OAT: variants seen among roughly 807,000 people sequenced by gnomAD.
OAT encodes ornithine aminotransferase, also known as ornithine aminotransferase, mitochondrial.
Under a neutral mutation model 48.4 loss-of-function variants are expected in OAT, and 35 were observed. The observed-to-expected ratio is 0.72, with a 90% CI of 0.55 to 0.96. The LOEUF is 0.96. Ranked by LOEUF, OAT falls within the 40% of genes least tolerant of loss-of-function variation. The pLI is 0.00. For synonymous variants in OAT, 182 were observed against 198.4 expected (o/e 0.92, Z 0.70); for missense variants, 438 against 537.9 (o/e 0.81, Z 1.84).
At position 124,398,054 on chromosome 10, in the gene OAT, A is replaced by G. The variant is rs141737170; in HGVS notation, c.1208T>C (p.Leu403Pro). 19 of 1,614,062 alleles carry G rather than the reference A, an allele frequency of 1.2e-5. No homozygotes were observed. The highest frequency in any genetic ancestry group is 1.6e-5 in the Non-Finnish European group (19 of 1,180,016). ...VCLRLRDNGL[L>P]AKPTHGDIIR... ...AATGTCGCCATGGGTTGGCTTGGCC[A>G]GAAGTCCATTATCTCGAAGTCGTAG... Residue 403 changes from leucine (L) to proline (P), a missense_variant, in exon 10 of 10, where the codon CTG becomes CCG. Transcript: ENST00000368845.
At chr10:124,416,761 T>C (rs1445703977) in intron 1 of OAT, among the ~76,000 whole-genome samples, 1 of 152,164 alleles carries the variant, frequency 6.6e-6, no homozygotes, top group Non-Finnish European at 1.5e-5. Context: ...GGCGTAAAGT[T>C]GTCCAAAAGC....
At chr10:124,412,240 T>C in intron 1 of OAT, 40 bp from the exon 2 acceptor site, 2 of 1,440,632 alleles carry the variant, frequency 1.4e-6, no homozygotes, top group South Asian at 2.3e-5. Flanking sequence ...GTGAGAATCC[T>C]TGGCTTATGC....
At position 124,411,954 on chromosome 10, in the gene OAT, G is replaced by A. The variant is rs10794058; in HGVS notation, c.199+19C>T. 473,815 of 1,605,568 alleles carry A rather than the reference G, an allele frequency of 0.3. 71,414 individuals carry two copies. Among genetic ancestry groups the A allele is most frequent in the Middle Eastern group, 0.32 (1,909 of 6,048 alleles). On this transcript the variant is annotated intron_variant, in intron 2 of 9. Coordinates refer to ENST00000368845, the MANE Select transcript of OAT (RefSeq NM_000274.4). ...AAGGTTTCAAGAAAAGGGAAAAGAC[G>A]GATTAATTTGAAACGTACCTTTTCC...
intron 1 of OAT, among the ~76,000 whole-genome samples, chr10:124,417,702 AT>A (rs1211732118): frequency 3.9e-5 from 6 of 152,222 alleles, no homozygotes; most frequent in Non-Finnish European, 8.8e-5. Context: ...AGAGCGATTG[AT>A]TACAATCTAA....
At chr10:124,408,309 GTGTGTGTGTATATATATATA>G (rs899552178) in intron 4 of OAT, among the ~76,000 whole-genome samples, 5 of 59,294 alleles carry the variant, frequency 8.4e-5, no homozygotes, top group African/African-American at 4.9e-4. Flanking sequence ...GTGTGTGTGT[GTGTGTGTGTATATATATATA>G]TATATATATA....
chr10:124,404,277 T>TG (rs1320540276), intron 5 of OAT, among the ~76,000 whole-genome samples: 2 of 151,536 alleles, frequency 1.3e-5, no homozygotes, highest in Non-Finnish European at 2.9e-5. Flanking sequence ...TTTCATTTTT[T>TG]TTTTTTTGGA....
At position 124,411,149 on chromosome 10, in the gene OAT, AAAAAAAAAAAAAAAAGAAG is replaced by A. The variant is rs1393628139; in HGVS notation, c.199+805_199+823del. Among the ~76,000 whole-genome samples the A allele has an allele frequency of 5.3e-4, 77 of 145,466 alleles. No individual in the cohort carries two copies. In the Admixed American group the frequency reaches 5.3e-3, roughly 10 times the overall value. On this transcript the variant is annotated intron_variant, in intron 2 of 9. Coordinates refer to ENST00000368845, the MANE Select transcript of OAT (RefSeq NM_000274.4). ...AGCGACATTCCGTCTCAAAAAAAAA[AAAAAAAAAAAAAAAAGAAG>A]AAGAGATGTCATGTCTGCAACTTCC...
At chr10:124,401,325 C>G (rs1951401209) in intron 8 of OAT, among the ~76,000 whole-genome samples, 1 of 152,320 alleles carries the variant, frequency 6.6e-6, no homozygotes, top group South Asian at 2.1e-4. Flanking sequence ...GATCTGTCCT[C>G]AGAGATTACA....
Position 124,412,345 on chromosome 10 carries a change from T to C in OAT, c.-29-145A>G, listed in dbSNP as rs1247869199. 15 of 652,176 alleles carry C rather than the reference T, an allele frequency of 2.3e-5. No homozygotes were observed. The East Asian group carries it at 3.3e-4, about 14-fold the overall frequency. 40.4% of individuals were successfully genotyped at this position (652,176 alleles called of 1,614,324 possible). A position where few individuals can be genotyped will look rare whatever the true frequency, so the allele number is the denominator to read the frequency against. On this transcript the variant is annotated intron_variant, in intron 1 of 9. Coordinates refer to ENST00000368845, the MANE Select transcript of OAT (RefSeq NM_000274.4). ...GGGCAACAGAGCAAGACTCCATCACTAAAAAAAATTGAAAAATTAGCTGGG... is the reference window on the plus strand; with the variant it reads ...GGGCAACAGAGCAAGACTCCATCACCAAAAAAAATTGAAAAATTAGCTGGG...
intron 2 of OAT, 77 bp from the exon 3 acceptor site, chr10:124,409,042 AAGCC>A: frequency 9.8e-6 from 10 of 1,020,198 alleles, no homozygotes; most frequent in South Asian, 1.4e-5. Context: ...GAGTGCTAGC[AAGCC>A]CTCTGAATGC....
intron 1 of OAT, among the ~76,000 whole-genome samples, chr10:124,413,419 C>T (rs1205630199): frequency 1.3e-5 from 2 of 152,140 alleles, no homozygotes; most frequent in African/African-American, 4.8e-5. Flanking sequence ...GGTGCGGTGA[C>T]TCATGCCTAT....
Position 124,408,663 on chromosome 10 carries a change from T to C in OAT, c.425-26A>G, listed in dbSNP as rs763415151. ...CTATCAGGAGAGAAAAATGTTCAGA[T>C]TTTTTTAAAATGTTAAACTATCAAA... On this transcript the variant is annotated intron_variant, in intron 3 of 9. Transcript: ENST00000368845. 32 of 1,598,898 alleles carry C rather than the reference T, an allele frequency of 2.0e-5. No individual in the cohort carries two copies. In the East Asian group the frequency reaches 3.3e-4, roughly 17 times the overall value.
At chr10:124,417,484 C>T (rs1951955890) in intron 1 of OAT, among the ~76,000 whole-genome samples, 1 of 152,012 alleles carries the variant, frequency 6.6e-6, no homozygotes, top group Non-Finnish European at 1.5e-5. Flanking sequence ...AGGGTTTCAC[C>T]ATGTTGGCCA....
Position 124,400,839 on chromosome 10 carries a change from C to T in OAT, c.1159+1G>A, listed in dbSNP as rs2134450136. The T allele has an allele frequency of 1.9e-6, 3 of 1,592,626 alleles. No homozygotes were observed. The highest frequency in any genetic ancestry group is 1.7e-6 in the Non-Finnish European group (2 of 1,163,112). ...CTTGAGTAAATGTTTTATCTCCATACCTTTGGTTTCTTTAATGACAATAGC... is the reference window on the plus strand; with the variant it reads ...CTTGAGTAAATGTTTTATCTCCATATCTTTGGTTTCTTTAATGACAATAGC... On this transcript the variant is annotated splice_donor_variant, in intron 9 of 9. Coordinates refer to ENST00000368845, the MANE Select transcript of OAT (RefSeq NM_000274.4). LOFTEE classifies it high-confidence loss of function.
intron 7 of OAT, 72 bp downstream of exon 7, chr10:124,402,855 T>G (rs547475157): frequency 6.4e-7 from 1 of 1,572,948 alleles, no homozygotes; most frequent in African/African-American, 1.4e-5. Flanking sequence ...TCACAATCAG[T>G]TGATGTATAA....
At chr10:124,403,719 T>C (rs1009409152) in intron 6 of OAT, 79 bp downstream of exon 6, 23 of 1,583,056 alleles carry the variant, frequency 1.5e-5, no homozygotes, top group Admixed American at 8.4e-5. Context: ...CAGAGAGGAG[T>C]TGGGGAGGAG....
chr10:124,406,216 C>G lies in OAT; in HGVS notation c.521-653G>C, dbSNP rs1011468655. On this transcript the variant is annotated intron_variant, in intron 4 of 9. Coordinates refer to ENST00000368845, the MANE Select transcript of OAT (RefSeq NM_000274.4). ...TTTAGATGTTGGGGAATAGACCAGGCACAGTGGCTCACTTATGTAATCCCT... is the reference window on the plus strand; with the variant it reads ...TTTAGATGTTGGGGAATAGACCAGGGACAGTGGCTCACTTATGTAATCCCT... 5.6e-6 allele frequency: 4 copies of G among 710,212 alleles called. No homozygotes were observed. The African/African-American group carries it at 7.7e-5, about 14-fold the overall frequency. The allele number at this position is 710,212 out of a possible 1,614,324, so 44.0% of individuals were successfully genotyped here.
intron 2 of OAT, among the ~76,000 whole-genome samples, chr10:124,409,528 G>A (rs10794052): frequency 0.15 from 23,002 of 151,208 alleles, 1,888 homozygotes; most frequent in East Asian, 0.21. Flanking sequence ...TCCAGCCTGG[G>A]CACCAGAGCA....
Position 124,408,867 on chromosome 10 carries a change from C to T in OAT, c.298G>A (p.Ala100Thr), listed in dbSNP as rs747038352. 2 of 1,613,432 alleles carry T rather than the reference C, an allele frequency of 1.2e-6. No homozygotes were observed. ...AATTTGTCCACTTGACTCTTCAGAG[C>T]ATTCACAATCTTGGGGTGACAATGC... The part of the protein sequence containing the change: ...QGHCHPKIVN[A>T]LKSQVDKLTL... The change falls in exon 3 of 10, where the codon GCT becomes ACT. Residue 100 changes from alanine to threonine, a missense_variant. Coordinates refer to ENST00000368845, the MANE Select transcript of OAT (RefSeq NM_000274.4).
Sources: allele counts gnomAD v4.1 joint callset (sites outside exome capture counted in the v4.1 genomes callset), GRCh38; gene constraint gnomAD v4.1.1; transcripts MANE v1.5; gene names NCBI Gene and HGNC (gene_info 2026-07-23, HGNC 2026-07-21).